The following RFX3 variants were observed in gnomAD, a reference collection of about 807,000 sequenced individuals.
RFX3 encodes transcription factor RFX3.
RFX3 carries 14 observed loss-of-function variants against 98.6 expected under a neutral mutation model. That is an observed-to-expected ratio of 0.14 (90% CI 0.09 to 0.22). The LOEUF is 0.22. Among genes scored for constraint, RFX3 ranks in the 10% least tolerant of loss-of-function variants. The pLI, the probability that RFX3 is intolerant of heterozygous loss-of-function variation, is 1.00. For synonymous variants in RFX3, 383 were observed against 328.4 expected, an observed-to-expected ratio of 1.17 and a Z score of -1.80; for missense variants, 639 against 926.9, an observed-to-expected ratio of 0.69 and a Z score of 4.03.
intron 15 of RFX3, among the ~76,000 whole-genome samples, chr9:3,244,972 G>A (rs1028835663): frequency 6.6e-6 from 1 of 152,162 alleles, no homozygotes; most frequent in African/African-American, 2.4e-5. Context: ...TCGGAGATCA[G>A]AAGTCTAGAG....
chr9:3,435,534 A>G (rs530051691), intron 1 of RFX3, among the ~76,000 whole-genome samples: 2 of 152,142 alleles, frequency 1.3e-5, no homozygotes, highest in South Asian at 2.1e-4. Context: ...CCACTGTCAT[A>G]TATGCAGTCC....
intron 1 of RFX3, among the ~76,000 whole-genome samples, chr9:3,521,112 T>C (rs754494228): frequency 6.6e-6 from 1 of 152,232 alleles, no homozygotes; most frequent in Non-Finnish European, 1.5e-5. Context: ...AAAAGTGTTA[T>C]AAGAATGGAC....
At chr9:3,477,056 ATAAT>A (rs1849331656) in intron 1 of RFX3, among the ~76,000 whole-genome samples, 1 of 152,162 alleles carries the variant, frequency 6.6e-6, no homozygotes, top group African/African-American at 2.4e-5. Context: ...AATTTATGTA[ATAAT>A]TATTTTCAGT....
intron 13 of RFX3, among the ~76,000 whole-genome samples, chr9:3,259,166 T>G (rs527600133): frequency 4.6e-5 from 7 of 152,142 alleles, no homozygotes; most frequent in Admixed American, 4.6e-4. Context: ...GAGAGGTTTT[T>G]TTTGTTTGTT....
chr9:3,256,751 G>A (rs1822196463), intron 14 of RFX3, among the ~76,000 whole-genome samples: 1 of 152,196 alleles, frequency 6.6e-6, no homozygotes, highest in South Asian at 2.1e-4. Flanking sequence ...CTGAGGACAT[G>A]TAGGGCTTTG....
At chr9:3,267,904 T>C (rs1823863366) in intron 11 of RFX3, among the ~76,000 whole-genome samples, 1 of 151,926 alleles carries the variant, frequency 6.6e-6, no homozygotes, top group African/African-American at 2.4e-5. Flanking sequence ...TTAGTGTACA[T>C]TAATTATTTA....
chr9:3,383,533 A>G (rs1025294847), intron 2 of RFX3, among the ~76,000 whole-genome samples: 1 of 151,314 alleles, frequency 6.6e-6, no homozygotes, highest in Admixed American at 6.6e-5. Flanking sequence ...TGACTTGAGA[A>G]TGACTCTTGG....
At chr9:3,257,824 T>TAAC (rs1436635355) in intron 13 of RFX3, among the ~76,000 whole-genome samples, 9 of 152,104 alleles carry the variant, frequency 5.9e-5, no homozygotes, top group African/African-American at 2.2e-4. Flanking sequence ...AAAACCACAA[T>TAAC]AACAACAACA....
chr9:3,519,466 G>A (rs982673370), intron 1 of RFX3, among the ~76,000 whole-genome samples: 20 of 152,130 alleles, frequency 1.3e-4, no homozygotes, highest in Non-Finnish European at 2.4e-4. Context: ...GATTAGAATA[G>A]GTATTTTCTC....
chr9:3,367,143 C>G (rs915512771), intron 2 of RFX3, among the ~76,000 whole-genome samples: 1 of 152,176 alleles, frequency 6.6e-6, no homozygotes, highest in Non-Finnish European at 1.5e-5. Flanking sequence ...TTATATGGTA[C>G]AGCTGACGTT....
At chr9:3,381,783 TA>T (rs1415231404) in intron 2 of RFX3, among the ~76,000 whole-genome samples, 1 of 151,980 alleles carries the variant, frequency 6.6e-6, no homozygotes, top group East Asian at 1.9e-4. Flanking sequence ...CACCAAATAA[TA>T]AAGGGAGACA....
intron 1 of RFX3, among the ~76,000 whole-genome samples, chr9:3,460,169 T>C (rs1847560782): frequency 6.6e-6 from 1 of 152,052 alleles, no homozygotes; most frequent in Admixed American, 6.6e-5. Context: ...ATCAGCTTTA[T>C]TGTAGGGAAT....
At chr9:3,269,556 A>G (rs1463633671) in intron 11 of RFX3, among the ~76,000 whole-genome samples, 1 of 152,154 alleles carries the variant, frequency 6.6e-6, no homozygotes, top group African/African-American at 2.4e-5. Flanking sequence ...ATAGGCATAA[A>G]ATAGTTTCAG....
chr9:3,499,541 G>T (rs1012741335), intron 1 of RFX3, among the ~76,000 whole-genome samples: 2 of 151,912 alleles, frequency 1.3e-5, no homozygotes, highest in African/African-American at 4.8e-5. Flanking sequence ...AGCATTATTT[G>T]AATGTAAATG....
At chr9:3,501,444 T>G (rs1421756586) in intron 1 of RFX3, among the ~76,000 whole-genome samples, 4 of 152,108 alleles carry the variant, frequency 2.6e-5, no homozygotes, top group Non-Finnish European at 5.9e-5. Flanking sequence ...AAATATTATT[T>G]CTCCTGACAG....
chr9:3,236,395 T>A (rs1819154463), intron 15 of RFX3, among the ~76,000 whole-genome samples: 1 of 151,928 alleles, frequency 6.6e-6, no homozygotes, highest in South Asian at 2.1e-4. Flanking sequence ...TACTGAGGGA[T>A]AGGAGGGACA....
At chr9:3,348,486 GGTTGTAAACTT>G (rs1834707914) in intron 2 of RFX3, among the ~76,000 whole-genome samples, 1 of 151,134 alleles carries the variant, frequency 6.6e-6, no homozygotes. Flanking sequence ...AAATAATAAA[GGTTGTAAACTT>G]GCGGTAGTCT....
At position 3,262,130 on chromosome 9, in the gene RFX3, A is replaced by C. The variant is rs1822991481; in HGVS notation, c.1605+805T>G. Among the ~76,000 whole-genome samples, 3 of 152,108 alleles carry C rather than the reference A, an allele frequency of 2.0e-5. No homozygotes were observed. In the South Asian group the frequency reaches 6.2e-4, roughly 31 times the overall value. Reference sequence around the variant, plus strand: ...TCTTGATGGTCTCTTTTGAAACCCCAAAGTTTTAAATTTTGATTACGTACA... The same window carrying C: ...TCTTGATGGTCTCTTTTGAAACCCCCAAGTTTTAAATTTTGATTACGTACA... On this transcript the variant is annotated intron_variant, in intron 13 of 16. Coordinates refer to ENST00000617270, the MANE Select transcript of RFX3 (RefSeq NM_001282116.2).
chr9:3,395,756 T>C (rs1840794005), intron 1 of RFX3, among the ~76,000 whole-genome samples, 160 bp from the exon 2 acceptor site: 1 of 152,220 alleles, frequency 6.6e-6, no homozygotes, highest in African/African-American at 2.4e-5. Context: ...GTATGGTCAT[T>C]CTGACCACTT....
Sources: allele counts gnomAD v4.1 joint callset (sites outside exome capture counted in the v4.1 genomes callset), GRCh38; gene constraint gnomAD v4.1.1; transcripts MANE v1.5; gene names NCBI Gene and HGNC (gene_info 2026-07-23, HGNC 2026-07-21).